Variants in TECRL observed in about 807,000 individuals in gnomAD.
The protein encoded by TECRL is trans-2,3-enoyl-CoA reductase like.
TECRL carries 63 observed loss-of-function variants against 52.8 expected under a neutral mutation model. That is an observed-to-expected ratio of 1.19 (90% CI 0.97 to 1.47). TECRL has a LOEUF of 1.47. Ranked by LOEUF, TECRL falls within the 40% of genes most tolerant of loss-of-function variation. The pLI is 0.00. For missense variants in TECRL, 482 were observed against 429.6 expected, an observed-to-expected ratio of 1.12 and a Z score of -1.08; for synonymous variants, 164 against 141.9, an observed-to-expected ratio of 1.16 and a Z score of -1.10.
At chr4:64,385,030 G>A (rs1447303721) in intron 1 of TECRL, among the ~76,000 whole-genome samples, 5 of 152,166 alleles carry the variant, frequency 3.3e-5, no homozygotes, top group Admixed American at 6.5e-5. Flanking sequence ...GTTAATGGCC[G>A]TGGGTGGGGT....
intron 9 of TECRL, among the ~76,000 whole-genome samples, chr4:64,288,071 G>A (rs972881795): frequency 8.6e-5 from 13 of 151,658 alleles, no homozygotes; most frequent in African/African-American, 1.5e-4. Context: ...GCTTGAAACC[G>A]CTTAAAGGCA....
intron 2 of TECRL, among the ~76,000 whole-genome samples, chr4:64,365,703 C>T (rs1239711088): frequency 1.3e-5 from 2 of 151,736 alleles, no homozygotes; most frequent in African/African-American, 4.8e-5. Flanking sequence ...ATAAGAATTA[C>T]AAAACACTGC....
At chr4:64,384,668 T>C (rs1246127438) in intron 1 of TECRL, among the ~76,000 whole-genome samples, 1 of 151,968 alleles carries the variant, frequency 6.6e-6, no homozygotes, top group Non-Finnish European at 1.5e-5. Flanking sequence ...GCAGTGCCAG[T>C]TTGTATGGAC....
At chr4:64,300,440 T>C (rs1482188375) in intron 7 of TECRL, among the ~76,000 whole-genome samples, 1 of 150,758 alleles carries the variant, frequency 6.6e-6, no homozygotes, top group Non-Finnish European at 1.5e-5. Flanking sequence ...GGTAGAATTA[T>C]AAGTATTTTA....
At chr4:64,289,014 C>T (rs78111849) in intron 9 of TECRL, among the ~76,000 whole-genome samples, 2,905 of 152,254 alleles carry the variant, frequency 0.019, 45 homozygotes, top group Non-Finnish European at 0.029. Flanking sequence ...GATGCTTCCA[C>T]GATCAGCAGG....
chr4:64,279,991 A>G lies in TECRL; in HGVS notation c.*81T>C, dbSNP rs541617172. On this transcript the variant is annotated 3_prime_UTR_variant, in exon 12 of 12. Transcript: ENST00000381210. ...ACTGTTGCTCATGAATTGTTGGAGT[A>G]TAATAGTTAACTATCCTTAACTAAG... 1.3e-6 allele frequency: 2 copies of G among 1,484,916 alleles called. No homozygotes were observed. The highest frequency in any genetic ancestry group is 1.4e-5 in the African/African-American group (1 of 69,936). The allele number at this position is 1,484,916 out of a possible 1,614,324, so 92.0% of individuals were successfully genotyped here.
At chr4:64,358,991 T>C (rs2109605079) in intron 2 of TECRL, among the ~76,000 whole-genome samples, 1 of 152,046 alleles carries the variant, frequency 6.6e-6, no homozygotes, top group South Asian at 2.1e-4. Flanking sequence ...CTTGCAATAA[T>C]GAAGTATTAT....
chr4:64,283,202 CTA>C (rs1722916489), intron 9 of TECRL, among the ~76,000 whole-genome samples: 1 of 152,028 alleles, frequency 6.6e-6, no homozygotes, highest in Admixed American at 6.6e-5. Flanking sequence ...CTTGTTGAGA[CTA>C]TATCGCTCTC....
intron 1 of TECRL, among the ~76,000 whole-genome samples, chr4:64,407,077 G>T (rs1391161593): frequency 6.6e-6 from 1 of 151,640 alleles, no homozygotes; most frequent in East Asian, 1.9e-4. Context: ...TTATGAAACA[G>T]TTTATCAATT....
chr4:64,322,820 A>G, intron 3 of TECRL, 28 bp from the exon 4 acceptor site: 2 of 1,501,422 alleles, frequency 1.3e-6, no homozygotes, highest in South Asian at 1.2e-5. Context: ...AGAAAATTTT[A>G]TTTTAATACA....
chr4:64,311,113 C>T (rs956175911), intron 5 of TECRL, among the ~76,000 whole-genome samples: 7 of 152,184 alleles, frequency 4.6e-5, no homozygotes, highest in South Asian at 2.1e-4. Flanking sequence ...TTTATTTATA[C>T]GTTTGGGAGT....
At chr4:64,379,137 G>C (rs900024382) in intron 1 of TECRL, among the ~76,000 whole-genome samples, 1 of 151,464 alleles carries the variant, frequency 6.6e-6, no homozygotes, top group Non-Finnish European at 1.5e-5. Context: ...TCTGAATAAT[G>C]CTCTTTTATA....
chr4:64,355,121 G>A (rs183956147), intron 2 of TECRL, among the ~76,000 whole-genome samples: 12 of 152,190 alleles, frequency 7.9e-5, no homozygotes, highest in Admixed American at 7.9e-4. Context: ...AAATCTTTAA[G>A]CTGCATTTCA....
chr4:64,409,253 A>G lies in TECRL; in HGVS notation c.99T>C (p.Phe33=). 6.2e-7 allele frequency: 1 copy of G among 1,613,444 alleles called. No individual in the cohort carries two copies. Among genetic ancestry groups the G allele is most frequent in the Admixed American group, 1.7e-5 (1 of 59,972 alleles). Residue 33 remains phenylalanine, a synonymous_variant, in exon 1 of 12, where the codon TTT becomes TTC. Transcript: ENST00000381210. The part of the protein sequence containing the change: ...RFILKDDMRN[F]HFLSKLVLSA... ...AGAGTACAAGTTTTGACAAAAAGTG[A>G]AAATTTCTCATATCATCCTTCAGTA...
intron 3 of TECRL, 33 bp downstream of exon 3, chr4:64,328,479 T>A: frequency 6.3e-7 from 1 of 1,585,910 alleles, no homozygotes. Context: ...GATTATAAAT[T>A]AAATAAACAC....
intron 1 of TECRL, among the ~76,000 whole-genome samples, chr4:64,380,215 C>T (rs899663841): frequency 3.3e-5 from 5 of 152,136 alleles, no homozygotes; most frequent in Middle Eastern, 6.8e-3. Context: ...AATATCTACT[C>T]AGATTATTTG....
At chr4:64,354,493 T>C (rs1720625958) in intron 2 of TECRL, among the ~76,000 whole-genome samples, 1 of 152,122 alleles carries the variant, frequency 6.6e-6, no homozygotes, top group South Asian at 2.1e-4. Context: ...TTTCCAAAAT[T>C]GCCCAAAATA....
At chr4:64,277,179 TA>T, downstream of TECRL, 2 of 571,064 alleles carry the variant, frequency 3.5e-6, no homozygotes, top group Non-Finnish European at 6.0e-6. Flanking sequence ...GCAACTGGCA[TA>T]AGGGAGTGTA....
intron 2 of TECRL, among the ~76,000 whole-genome samples, chr4:64,334,546 A>G (rs1033363875): frequency 1.3e-5 from 2 of 152,284 alleles, no homozygotes; most frequent in Admixed American, 1.3e-4. Context: ...AACCAGCACC[A>G]ATCAATGTCT....
Sources: allele counts gnomAD v4.1 joint callset (sites outside exome capture counted in the v4.1 genomes callset), GRCh38; gene constraint gnomAD v4.1.1; transcripts MANE v1.5; gene names NCBI Gene and HGNC (gene_info 2026-07-23, HGNC 2026-07-21).